ATP8A2: variants seen among roughly 807,000 people sequenced by gnomAD.
ATP8A2 encodes the protein ATPase phospholipid transporting 8A2, also known as phospholipid-transporting ATPase IB.
A neutral mutation model predicts 165.6 loss-of-function variants in ATP8A2; 100 were observed. The observed-to-expected ratio is 0.60, with a 90% CI of 0.51 to 0.71. ATP8A2 has a LOEUF of 0.71. ATP8A2 is among the 30% of genes least tolerant of loss of function. ATP8A2 has a pLI of 0.00. For missense variants in ATP8A2, 1,227 were observed against 1,479.5 expected (o/e 0.83, Z 2.80); for synonymous variants, 543 against 548.8 (o/e 0.99, Z 0.15).
At chr13:25,434,342 T>C (rs543352667) in intron 1 of ATP8A2, among the ~76,000 whole-genome samples, 43 of 151,496 alleles carry the variant, frequency 2.8e-4, no homozygotes, top group African/African-American at 9.8e-4. Context: ...TTTTTTTCTT[T>C]TCTCTCTCTT....
chr13:25,705,129 T>C (rs747367224), intron 25 of ATP8A2: 1 of 428,286 alleles, frequency 2.3e-6, no homozygotes, highest in South Asian at 1.7e-5. Flanking sequence ...CTGTTCTTTC[T>C]TCCCCCTTTC....
intron 25 of ATP8A2, among the ~76,000 whole-genome samples, chr13:25,733,188 A>C (rs550216780): frequency 2.0e-5 from 3 of 152,336 alleles, no homozygotes; most frequent in African/African-American, 7.2e-5. Context: ...AAGTTATTTC[A>C]TAGCATAATA....
rs150938898 is a variant in ATP8A2, at chr13:25,775,367, A to C, written c.2679+408A>C. On this transcript the variant is annotated intron_variant, in intron 27 of 36. Transcript: ENST00000381655. ...TCGCTGAGGTGTTGCTGGAATGAAC[A>C]AGGGGGCCTGATTTCTGCCTTATTT... Among the ~76,000 whole-genome samples, 170 of 152,276 alleles carry C rather than the reference A, an allele frequency of 1.1e-3. 1 individual carries two copies. The highest frequency in any genetic ancestry group is 3.9e-3 in the African/African-American group (163 of 41,558).
At chr13:25,783,858 G>A (rs1379609722) in intron 27 of ATP8A2, among the ~76,000 whole-genome samples, 2 of 152,178 alleles carry the variant, frequency 1.3e-5, no homozygotes, top group Non-Finnish European at 2.9e-5. Context: ...GAAGATGGCT[G>A]GAGAACTAGT....
intron 1 of ATP8A2, among the ~76,000 whole-genome samples, chr13:25,435,113 A>G (rs2138168935): frequency 6.6e-6 from 1 of 151,200 alleles, no homozygotes. Flanking sequence ...GTTCCTGGGC[A>G]TAGGAAATCT....
intron 25 of ATP8A2, among the ~76,000 whole-genome samples, chr13:25,725,271 T>C (rs1212711449): frequency 1.3e-5 from 2 of 152,246 alleles, no homozygotes; most frequent in African/African-American, 4.8e-5. Flanking sequence ...GTCTGTACTG[T>C]TAAGTACAAA....
chr13:25,952,929 T>C (rs1164364022), intron 33 of ATP8A2, among the ~76,000 whole-genome samples: 4 of 152,150 alleles, frequency 2.6e-5, no homozygotes, highest in African/African-American at 7.2e-5. Flanking sequence ...TGCACGCTCA[T>C]GAAAACCAAG....
At chr13:25,680,876 A>G (rs925713420) in intron 24 of ATP8A2, among the ~76,000 whole-genome samples, 6 of 152,156 alleles carry the variant, frequency 3.9e-5, no homozygotes, top group Non-Finnish European at 2.9e-5. Flanking sequence ...TTTCTTTTAG[A>G]GATATTGTAA....
intron 24 of ATP8A2, among the ~76,000 whole-genome samples, chr13:25,661,282 C>A (rs1234345611): frequency 6.6e-6 from 1 of 152,176 alleles, no homozygotes; most frequent in Non-Finnish European, 1.5e-5. Flanking sequence ...ACTGCCGAGG[C>A]TACCCCTACC....
intron 35 of ATP8A2, among the ~76,000 whole-genome samples, chr13:25,970,157 T>C (rs1429676176): frequency 6.6e-6 from 1 of 152,250 alleles, no homozygotes; most frequent in Non-Finnish European, 1.5e-5. Context: ...GGCTCCCTTA[T>C]ATATCAAGTA....
At position 25,480,400 on chromosome 13, in the gene ATP8A2, G is replaced by T. The variant is rs542339549; in HGVS notation, c.221+11279G>T. On this transcript the variant is annotated intron_variant, in intron 2 of 36. Transcript: ENST00000381655. ...CGGAGGGGCTCCTCACTTCTCAGAC[G>T]GGGCGGTTGCCAGGCGGAGAGTCTC... is the stretch of plus-strand genomic sequence containing the variant. Among the ~76,000 whole-genome samples, 8 of 151,786 alleles carry T rather than the reference G, an allele frequency of 5.3e-5. No homozygotes were observed. In the South Asian group the frequency reaches 1.7e-3, roughly 31 times the overall value.
intron 33 of ATP8A2, among the ~76,000 whole-genome samples, chr13:25,935,417 A>G (rs1052249926): frequency 5.3e-5 from 8 of 152,222 alleles, no homozygotes; most frequent in Non-Finnish European, 7.3e-5. Context: ...ATTTTCTGAT[A>G]CAAAGATTCA....
intron 23 of ATP8A2, among the ~76,000 whole-genome samples, chr13:25,583,783 C>G (rs780704381): frequency 6.6e-6 from 1 of 152,162 alleles, no homozygotes; most frequent in African/African-American, 2.4e-5. Flanking sequence ...ATAATTGATA[C>G]CTGTCCAAAC....
chr13:25,791,805 G>A (rs910075388), intron 27 of ATP8A2, among the ~76,000 whole-genome samples: 24 of 152,114 alleles, frequency 1.6e-4, no homozygotes, highest in African/African-American at 5.3e-4. Context: ...TTGTTGATCC[G>A]AAGATGGAAA....
At chr13:25,512,676 G>A (rs2037280924) in intron 2 of ATP8A2, among the ~76,000 whole-genome samples, 1 of 148,006 alleles carries the variant, frequency 6.8e-6, no homozygotes, top group Non-Finnish European at 1.5e-5. Context: ...TGGCTGGCCG[G>A]GCGGGGGGCT....
At chr13:25,671,727 G>A (rs572505851) in intron 24 of ATP8A2, among the ~76,000 whole-genome samples, 5 of 152,288 alleles carry the variant, frequency 3.3e-5, no homozygotes, top group African/African-American at 1.2e-4. Context: ...CAATGACAAC[G>A]GTGGCCAAAA....
At chr13:25,558,851 T>G in intron 13 of ATP8A2, 122 bp from the exon 14 acceptor site, 1 of 588,218 alleles carries the variant, frequency 1.7e-6, no homozygotes, top group South Asian at 2.6e-5. Flanking sequence ...ACTAATTTGC[T>G]TGCTTTAGGG....
chr13:25,543,031 C>T (rs900011014), intron 9 of ATP8A2, among the ~76,000 whole-genome samples: 2 of 152,116 alleles, frequency 1.3e-5, no homozygotes, highest in Admixed American at 1.3e-4. Flanking sequence ...ATAACAGGAT[C>T]ATGAGAGATA....
intron 1 of ATP8A2, among the ~76,000 whole-genome samples, chr13:25,410,959 T>C (rs1420033384): frequency 2.0e-5 from 3 of 152,252 alleles, no homozygotes; most frequent in South Asian, 2.1e-4. Flanking sequence ...AATCCTGTTA[T>C]GTTCATCCAG....
Sources: gnomAD v4.1 joint callset for allele counts (sites outside exome capture counted in the v4.1 genomes callset) on GRCh38, gnomAD v4.1.1 for gene constraint, MANE v1.5 for transcripts, NCBI Gene and HGNC (gene_info 2026-07-23, HGNC 2026-07-21) for gene names.